Variants in MIR2052HG observed in about 807,000 individuals in gnomAD.
MIR2052HG encodes the protein MIR2052 host gene.
intron 4 of MIR2052HG, among the ~76,000 whole-genome samples, chr8:74,739,484 T>C (rs1466190288): frequency 1.3e-5 from 2 of 152,196 alleles, no homozygotes; most frequent in African/African-American, 4.8e-5. Context: ...CTTATAAAAT[T>C]ACATTTGCTT....
At chr8:74,648,422 G>A (rs1808716321) in intron 2 of MIR2052HG, among the ~76,000 whole-genome samples, 1 of 152,138 alleles carries the variant, frequency 6.6e-6, no homozygotes, top group Non-Finnish European at 1.5e-5. Context: ...GACAATGTGT[G>A]CACAGCAGGA....
intron 4 of MIR2052HG, among the ~76,000 whole-genome samples, chr8:74,749,222 T>C (rs1809918591): frequency 2.0e-5 from 3 of 152,176 alleles, no homozygotes; most frequent in Admixed American, 2.0e-4. Context: ...TCAGCAAACA[T>C]ATCTTTCTAA....
chr8:74,637,879 A>G (rs1261071568), intron 2 of MIR2052HG, among the ~76,000 whole-genome samples: 1 of 152,180 alleles, frequency 6.6e-6, no homozygotes, highest in East Asian at 1.9e-4. Flanking sequence ...TATTAATTGA[A>G]AAATAAATTC....
chr8:74,712,402 C>T (rs1809476972), intron 4 of MIR2052HG, among the ~76,000 whole-genome samples: 1 of 152,130 alleles, frequency 6.6e-6, no homozygotes, highest in Non-Finnish European at 1.5e-5. Flanking sequence ...TGGGAGGAAA[C>T]TCAGCTTAAT....
At chr8:74,728,815 C>G (rs1809661420) in intron 4 of MIR2052HG, among the ~76,000 whole-genome samples, 2 of 152,194 alleles carry the variant, frequency 1.3e-5, no homozygotes, top group Non-Finnish European at 2.9e-5. Flanking sequence ...GTCTGCCATG[C>G]TGTCCTGGTG....
intron 1 of MIR2052HG, among the ~76,000 whole-genome samples, chr8:74,612,137 AC>A (rs1808206625): frequency 6.6e-6 from 1 of 152,138 alleles, no homozygotes; most frequent in African/African-American, 2.4e-5. Context: ...GCTGAAGGAC[AC>A]CCTGTTTCTA....
chr8:74,621,001 G>T (rs1808354029), intron 2 of MIR2052HG, among the ~76,000 whole-genome samples: 1 of 152,204 alleles, frequency 6.6e-6, no homozygotes, highest in African/African-American at 2.4e-5. Context: ...CAAGTTCAAA[G>T]TTCCACAGAT....
At chr8:74,743,558 G>T (rs1809853389) in intron 4 of MIR2052HG, among the ~76,000 whole-genome samples, 1 of 152,126 alleles carries the variant, frequency 6.6e-6, no homozygotes, top group Non-Finnish European at 1.5e-5. Context: ...AGACCTCATA[G>T]CTTGGAAGAC....
chr8:74,702,492 A>G (rs1182490068), intron 3 of MIR2052HG: 1 of 440,078 alleles, frequency 2.3e-6, no homozygotes, highest in Non-Finnish European at 4.6e-6. Flanking sequence ...CCTGTACCTC[A>G]ATGTCTGCAC....
chr8:74,658,877 G>A (rs2128736785), intron 2 of MIR2052HG, among the ~76,000 whole-genome samples: 1 of 152,248 alleles, frequency 6.6e-6, no homozygotes, highest in African/African-American at 2.4e-5. Context: ...GACAAAGTAG[G>A]CAAGTTGTTT....
At chr8:74,688,691 G>A (rs971453410) in intron 2 of MIR2052HG, among the ~76,000 whole-genome samples, 2 of 151,972 alleles carry the variant, frequency 1.3e-5, no homozygotes, top group African/African-American at 4.8e-5. Flanking sequence ...GGTTTTTGGG[G>A]AACAGGTGGT....
At chr8:74,600,324 C>T (rs1807976538) in intron 1 of MIR2052HG, among the ~76,000 whole-genome samples, 1 of 151,082 alleles carries the variant, frequency 6.6e-6, no homozygotes, top group African/African-American at 2.4e-5. Context: ...GTGGCTCACA[C>T]CTGTAATCCC....
intron 4 of MIR2052HG, among the ~76,000 whole-genome samples, chr8:74,750,181 G>A (rs557145974): frequency 1.1e-4 from 16 of 152,260 alleles, no homozygotes; most frequent in African/African-American, 3.4e-4. Context: ...ATTTTGAAGC[G>A]ATATCTAGCA....
intron 4 of MIR2052HG, among the ~76,000 whole-genome samples, chr8:74,744,561 T>C (rs1431683675): frequency 6.7e-6 from 1 of 150,364 alleles, no homozygotes; most frequent in Non-Finnish European, 1.5e-5. Context: ...CACCTATGAG[T>C]GAGAATATGC....
intron 2 of MIR2052HG, among the ~76,000 whole-genome samples, chr8:74,662,520 G>A (rs1015540983): frequency 1.1e-4 from 17 of 151,990 alleles, no homozygotes; most frequent in African/African-American, 3.9e-4. Context: ...GGTTGACATG[G>A]CACATGTATA....
intron 2 of MIR2052HG, among the ~76,000 whole-genome samples, chr8:74,671,876 T>C (rs1447501861): frequency 6.6e-6 from 1 of 152,082 alleles, no homozygotes; most frequent in Non-Finnish European, 1.5e-5. Flanking sequence ...AGGAGTGCAT[T>C]TTGTGGCTTC....
chr8:74,666,023 C>T (rs1219852237), intron 2 of MIR2052HG, among the ~76,000 whole-genome samples: 1 of 152,108 alleles, frequency 6.6e-6, no homozygotes, highest in Non-Finnish European at 1.5e-5. Context: ...TATCAATTAC[C>T]CAATCTTGGG....
intron 2 of MIR2052HG, among the ~76,000 whole-genome samples, chr8:74,687,694 G>A (rs2128739625): frequency 6.6e-6 from 1 of 152,114 alleles, no homozygotes; most frequent in East Asian, 1.9e-4. Flanking sequence ...GGGAAATAGG[G>A]ACTTGTTCAA....
intron 2 of MIR2052HG, among the ~76,000 whole-genome samples, chr8:74,691,450 TATCTGTGC>T (rs1809238740): frequency 6.6e-6 from 1 of 152,228 alleles, no homozygotes; most frequent in Non-Finnish European, 1.5e-5. Context: ...CGTGTCTTTA[TATCTGTGC>T]ATCTGTTAGT....
Sources: allele counts gnomAD v4.1 joint callset (sites outside exome capture counted in the v4.1 genomes callset), GRCh38; gene constraint gnomAD v4.1.1; transcripts MANE v1.5; gene names NCBI Gene and HGNC (gene_info 2026-07-23, HGNC 2026-07-21).